The following COL24A1 variants were observed in gnomAD, a reference collection of about 807,000 sequenced individuals.
COL24A1 encodes the protein collagen alpha-1(XXIV) chain.
In COL24A1, 224 loss-of-function variants were observed where a neutral mutation model predicts 253.9. The observed-to-expected ratio is 0.88, with a 90% CI of 0.79 to 0.99. The LOEUF (loss-of-function observed/expected upper bound fraction) is 0.99. Ranked by LOEUF, COL24A1 falls within the 50% of genes least tolerant of loss-of-function variation. COL24A1 has a pLI of 0.00. For missense variants in COL24A1, 2,131 were observed against 2,068.5 expected (o/e 1.03, Z -0.59); for synonymous variants, 685 against 673.7 (o/e 1.02, Z -0.26).
intron 43 of COL24A1, among the ~76,000 whole-genome samples, chr1:85,825,343 T>C (rs967888134): frequency 1.3e-5 from 2 of 152,182 alleles, no homozygotes; most frequent in Non-Finnish European, 2.9e-5. Context: ...TTTGGGTTGG[T>C]TCCAAGTCTT....
intron 32 of COL24A1, among the ~76,000 whole-genome samples, chr1:85,886,403 C>T (rs1206116018): frequency 6.6e-6 from 1 of 151,666 alleles, no homozygotes; most frequent in Non-Finnish European, 1.5e-5. Flanking sequence ...TGGTGGCTCA[C>T]ACCTGTAATC....
At chr1:85,862,081 T>A (rs1187891139) in intron 37 of COL24A1, among the ~76,000 whole-genome samples, 1 of 152,218 alleles carries the variant, frequency 6.6e-6, no homozygotes, top group East Asian at 1.9e-4. Context: ...TCTCTATCTT[T>A]AACTAGTTGG....
At chr1:85,754,549 T>TAAAAAAAA (rs1665992616) in intron 55 of COL24A1, among the ~76,000 whole-genome samples, 1 of 26,396 alleles carries the variant, frequency 3.8e-5, no homozygotes, top group East Asian at 1.3e-3. Flanking sequence ...AAAAAAAAAA[T>TAAAAAAAA]TAAAAAAAAA....
chr1:85,778,383 G>A (rs906094060), intron 52 of COL24A1, among the ~76,000 whole-genome samples: 13 of 151,134 alleles, frequency 8.6e-5, no homozygotes, highest in East Asian at 2.0e-4. Flanking sequence ...TAATACAGCC[G>A]TGAACTACTG....
At chr1:85,845,643 G>A (rs990164026) in intron 39 of COL24A1, among the ~76,000 whole-genome samples, 5 of 151,740 alleles carry the variant, frequency 3.3e-5, no homozygotes, top group South Asian at 2.1e-4. Context: ...ATCTACATTC[G>A]TTAAAGTGGA....
intron 20 of COL24A1, among the ~76,000 whole-genome samples, chr1:85,984,870 G>C (rs529635766): frequency 1.4e-3 from 218 of 151,726 alleles, no homozygotes; most frequent in Non-Finnish European, 2.6e-3. Flanking sequence ...CAAGTCAAAG[G>C]CTGCTTTATC....
intron 57 of COL24A1, among the ~76,000 whole-genome samples, chr1:85,739,011 C>T (rs1185383110): frequency 5.3e-5 from 8 of 152,124 alleles, no homozygotes; most frequent in Admixed American, 2.6e-4. Context: ...GTCCAGGGAT[C>T]ACATTTGGAG....
At chr1:85,843,026 C>CA (rs899464566) in intron 39 of COL24A1, among the ~76,000 whole-genome samples, 6 of 151,328 alleles carry the variant, frequency 4.0e-5, no homozygotes, top group Admixed American at 2.6e-4. Context: ...AACAAACAAA[C>CA]AAAAAAAACC....
chr1:85,863,634 A>AT (rs34807496), intron 37 of COL24A1, among the ~76,000 whole-genome samples: 1 of 152,160 alleles, frequency 6.6e-6, no homozygotes, highest in Non-Finnish European at 1.5e-5. Flanking sequence ...ATGGGAGAAA[A>AT]TTTTTGCAAT....
At chr1:86,022,475 C>A (rs1198576253) in intron 17 of COL24A1, 63 bp downstream of exon 17, 6 of 1,418,500 alleles carry the variant, frequency 4.2e-6, no homozygotes, top group Non-Finnish European at 5.9e-6. Context: ...AAATAATAAG[C>A]AGTTCTTTCT....
At chr1:86,075,190 T>G (rs544350632) in intron 7 of COL24A1, among the ~76,000 whole-genome samples, 4 of 151,654 alleles carry the variant, frequency 2.6e-5, no homozygotes, top group African/African-American at 9.7e-5. Flanking sequence ...ATAGACACAA[T>G]AAAAAATGGT....
At chr1:85,945,000 G>GTGT (rs1300312976) in intron 24 of COL24A1, among the ~76,000 whole-genome samples, 1 of 36,124 alleles carries the variant, frequency 2.8e-5, no homozygotes, top group African/African-American at 9.6e-5. Context: ...GTCTATCATT[G>GTGT]TGTTTTTTTT....
rs1038371530 is a variant in COL24A1, at chr1:85,896,037, C to T, written c.2861G>A (p.Gly954Glu). ...KGEKGDQGKR[G>E]PHGLIGKTGN... ...ATTACTTACAATAAGACCATGAGGC[C>T]CTCTTTTTCCTTGATCTCCTTTTTC... The change falls in exon 30 of 60, where the codon GGG becomes GAG. Residue 954 changes from glycine to glutamate, a missense_variant. Transcript: ENST00000370571. The T allele has an allele frequency of 3.2e-5, 52 of 1,612,092 alleles. No homozygotes were observed. In the Middle Eastern group the frequency reaches 6.6e-4, roughly 20 times the overall value.
chr1:86,116,997 A>T (rs1211683144), intron 3 of COL24A1, among the ~76,000 whole-genome samples: 1 of 152,174 alleles, frequency 6.6e-6, no homozygotes, highest in Non-Finnish European at 1.5e-5. Context: ...CTGTTGTTAT[A>T]ATTAAAAATT....
intron 24 of COL24A1, among the ~76,000 whole-genome samples, chr1:85,950,968 C>T (rs1034184115): frequency 6.6e-5 from 10 of 152,308 alleles, no homozygotes; most frequent in South Asian, 2.1e-4. Flanking sequence ...GTTCTGCAAA[C>T]GCTCCAGGTC....
intron 37 of COL24A1, among the ~76,000 whole-genome samples, chr1:85,855,638 T>C (rs1472986923): frequency 1.3e-5 from 2 of 152,226 alleles, no homozygotes; most frequent in Non-Finnish European, 2.9e-5. Context: ...GATTCTTGCA[T>C]CTATGTTCAA....
chr1:85,828,314 A>G (rs1674677801), intron 43 of COL24A1, among the ~76,000 whole-genome samples: 1 of 151,424 alleles, frequency 6.6e-6, no homozygotes, highest in African/African-American at 2.4e-5. Flanking sequence ...CTATTCTTTT[A>G]CATTTGCTGA....
At chr1:85,878,961 T>A (rs1465706029) in intron 32 of COL24A1, among the ~76,000 whole-genome samples, 2 of 152,218 alleles carry the variant, frequency 1.3e-5, no homozygotes, top group Non-Finnish European at 2.9e-5. Flanking sequence ...TAATTTTTTT[T>A]TCTATATTTT....
intron 2 of COL24A1, among the ~76,000 whole-genome samples, chr1:86,137,805 A>C (rs536592599): frequency 1.3e-5 from 2 of 152,276 alleles, no homozygotes; most frequent in South Asian, 2.1e-4. Context: ...TTTCCACTTC[A>C]ATGTATTTTC....
Sources: gnomAD v4.1 joint callset for allele counts (sites outside exome capture counted in the v4.1 genomes callset) on GRCh38, gnomAD v4.1.1 for gene constraint, MANE v1.5 for transcripts, NCBI Gene and HGNC (gene_info 2026-07-23, HGNC 2026-07-21) for gene names.